Variants in UTRN observed in about 807,000 individuals in gnomAD.
UTRN encodes dystrophin-related protein 1.
Under a neutral mutation model 463.9 loss-of-function variants are expected in UTRN, and 283 were observed. That is an observed-to-expected ratio of 0.61 (90% confidence interval 0.55 to 0.67). UTRN has a LOEUF of 0.67. UTRN is among the 30% of genes least tolerant of loss of function. The pLI is 0.00. For missense variants in UTRN, 3,922 were observed against 4,084.3 expected, an observed-to-expected ratio of 0.96 and a Z score of 1.08; for synonymous variants, 1,442 against 1,431.5, an observed-to-expected ratio of 1.01 and a Z score of -0.17.
Position 144,820,980 on chromosome 6 carries a change from G to A in UTRN, c.9456G>A (p.Leu3152=), listed in dbSNP as rs996391070. 82 of 1,613,800 alleles carry A rather than the reference G, an allele frequency of 5.1e-5. No homozygotes were observed. The highest frequency in any genetic ancestry group is 6.2e-5 in the Non-Finnish European group (73 of 1,179,872). Residue 3152 remains leucine (L), a synonymous_variant, in exon 66 of 75, where the codon CTG becomes CTA. Coordinates refer to ENST00000367545, the MANE Select transcript of UTRN (RefSeq NM_007124.3). The part of the protein sequence containing the change: ...YFAKHPRLGY[L]PVQTVLEGDN... Reference sequence around the variant, plus strand: ...CCAAACACCCTCGACTTGGTTACCTGCCTGTCCAGACAGTTCTTGAAGGTG... The same window carrying A: ...CCAAACACCCTCGACTTGGTTACCTACCTGTCCAGACAGTTCTTGAAGGTG...
intron 50 of UTRN, among the ~76,000 whole-genome samples, chr6:144,563,335 G>A (rs189434446): frequency 6.6e-6 from 1 of 152,126 alleles, no homozygotes; most frequent in East Asian, 1.9e-4. Context: ...GATGTTTATT[G>A]TCCCTATAGA....
chr6:144,490,350 G>T, intron 31 of UTRN, 151 bp downstream of exon 31: 1 of 1,123,308 alleles, frequency 8.9e-7, no homozygotes, highest in East Asian at 2.7e-5. Flanking sequence ...TTGCATCCTA[G>T]GGCAGCAGAA....
intron 51 of UTRN, chr6:144,659,954 C>T (rs1451657381): frequency 3.5e-6 from 1 of 283,558 alleles, no homozygotes; most frequent in Non-Finnish European, 7.1e-6. Context: ...ATGCCAGCCT[C>T]GTGGAACACA....
At chr6:144,669,989 GTA>G (rs1331525766) in intron 51 of UTRN, among the ~76,000 whole-genome samples, 1 of 130,868 alleles carries the variant, frequency 7.6e-6, no homozygotes, top group Admixed American at 7.7e-5. Flanking sequence ...GTGTGTGTGT[GTA>G]TACATATATG....
intron 19 of UTRN, among the ~76,000 whole-genome samples, chr6:144,455,059 G>GTA (rs1469015295): frequency 1.4e-5 from 2 of 146,074 alleles, no homozygotes; most frequent in Non-Finnish European, 2.9e-5. Context: ...CTGGATATGT[G>GTA]TATACACACA....
intron 51 of UTRN, among the ~76,000 whole-genome samples, chr6:144,639,395 A>G (rs1466652663): frequency 6.6e-6 from 1 of 151,958 alleles, no homozygotes; most frequent in Non-Finnish European, 1.5e-5. Context: ...TTTTCACTGG[A>G]TATACTCTTC....
At chr6:144,698,249 G>A (rs1784219652) in intron 52 of UTRN, among the ~76,000 whole-genome samples, 1 of 152,128 alleles carries the variant, frequency 6.6e-6, no homozygotes, top group Non-Finnish European at 1.5e-5. Context: ...TATGAACACA[G>A]AAAAGCTGGA....
chr6:144,477,512 C>G (rs1036080540), intron 25 of UTRN, among the ~76,000 whole-genome samples: 3 of 150,708 alleles, frequency 2.0e-5, no homozygotes, highest in African/African-American at 7.4e-5. Context: ...TTTGCTTTCT[C>G]TCTCTCTGCC....
chr6:144,482,411 G>GTTGCTATTATTATTATTA (rs780469923), intron 27 of UTRN, 23 bp downstream of exon 27: 1 of 975,744 alleles, frequency 1.0e-6, no homozygotes, highest in African/African-American at 1.9e-5. Context: ...TATTATTGTT[G>GTTGCTATTATTATTATTA]TTATTATTAT....
intron 62 of UTRN, among the ~76,000 whole-genome samples, chr6:144,789,655 TG>T (rs1776592163): frequency 6.6e-6 from 1 of 152,174 alleles, no homozygotes; most frequent in South Asian, 2.1e-4. Context: ...TGATAAGGGA[TG>T]GGGCTAGAAT....
intron 2 of UTRN, among the ~76,000 whole-genome samples, chr6:144,366,764 C>T (rs1469719027): frequency 6.6e-6 from 1 of 152,052 alleles, no homozygotes; most frequent in South Asian, 2.1e-4. Context: ...GGTTTATACC[C>T]AGTAATGGCA....
In UTRN at chr6:144,821,036, A is replaced by G. The variant is rs1357086531; in HGVS notation, c.9494+18A>G. On this transcript the variant is annotated intron_variant, in intron 66 of 74. Coordinates refer to ENST00000367545, the MANE Select transcript of UTRN (RefSeq NM_007124.3). Reference sequence around the variant, plus strand: ...TTAGAGACGTAAGTTTGATTTTAATATTAAATCTAGTGTGAACATTTATAT... The same window carrying G: ...TTAGAGACGTAAGTTTGATTTTAATGTTAAATCTAGTGTGAACATTTATAT... The G allele has an allele frequency of 6.2e-7, 1 of 1,611,438 alleles. No individual in the cohort carries two copies. The highest frequency in any genetic ancestry group is 8.5e-7 in the Non-Finnish European group (1 of 1,179,042).
At chr6:144,745,920 AT>A (rs1254772346) in intron 54 of UTRN, among the ~76,000 whole-genome samples, 13 of 151,796 alleles carry the variant, frequency 8.6e-5, no homozygotes, top group Admixed American at 5.3e-4. Flanking sequence ...ACTAAGAATG[AT>A]TTTTTTATCT....
chr6:144,813,301 G>A (rs1278729288), intron 65 of UTRN, among the ~76,000 whole-genome samples: 36 of 152,062 alleles, frequency 2.4e-4, no homozygotes, highest in Admixed American at 2.4e-3. Context: ...TGATTCTCCT[G>A]CCTTAGCCTC....
intron 60 of UTRN, among the ~76,000 whole-genome samples, chr6:144,776,863 C>T (rs1319969906): frequency 6.6e-6 from 1 of 152,114 alleles, no homozygotes; most frequent in Non-Finnish European, 1.5e-5. Context: ...CCAACTTAAT[C>T]CTTCTGTTCT....
chr6:144,315,310 C>A (rs1287228269), intron 2 of UTRN, among the ~76,000 whole-genome samples: 1 of 152,190 alleles, frequency 6.6e-6, no homozygotes, highest in Non-Finnish European at 1.5e-5. Context: ...ATCTTCCTTC[C>A]TGGATGGCTG....
intron 2 of UTRN, among the ~76,000 whole-genome samples, chr6:144,385,351 C>T (rs187740682): frequency 3.9e-5 from 6 of 152,228 alleles, no homozygotes; most frequent in Admixed American, 1.3e-4. Context: ...ACCCAAGTCC[C>T]GGAGCGAATG....
At chr6:144,702,931 TGA>T (rs1784736030) in intron 53 of UTRN, among the ~76,000 whole-genome samples, 1 of 152,166 alleles carries the variant, frequency 6.6e-6, no homozygotes, top group Non-Finnish European at 1.5e-5. Flanking sequence ...TTTTACTCAA[TGA>T]GAGAGGAAGC....
chr6:144,730,023 A>G (rs1324862005), intron 53 of UTRN, among the ~76,000 whole-genome samples: 1 of 152,262 alleles, frequency 6.6e-6, no homozygotes, highest in Non-Finnish European at 1.5e-5. Context: ...GTATCTTAGC[A>G]AAGGCTATTA....
Sources: gnomAD v4.1 joint callset for allele counts (sites outside exome capture counted in the v4.1 genomes callset) on GRCh38, gnomAD v4.1.1 for gene constraint, MANE v1.5 for transcripts, NCBI Gene and HGNC (gene_info 2026-07-23, HGNC 2026-07-21) for gene names.